CELF2: variants seen among roughly 807,000 people sequenced by gnomAD.
The protein encoded by CELF2 is CUGBP Elav-like family member 2.
Under a neutral mutation model 62.6 loss-of-function variants are expected in CELF2, and 8 were observed. The observed-to-expected ratio is 0.13, with a 90% CI of 0.07 to 0.23. CELF2 has a LOEUF of 0.23. Among genes scored for constraint, CELF2 ranks in the 10% least tolerant of loss-of-function variants. The pLI is 1.00. For missense variants in CELF2, 333 were observed against 671.0 expected (o/e 0.50, Z 5.56); for synonymous variants, 258 against 250.0 (o/e 1.03, Z -0.30).
At chr10:10,667,142 G>A in the CELF2 span, among the ~76,000 whole-genome samples, 1 of 152,176 alleles carries the variant, frequency 6.6e-6, no homozygotes, top group African/African-American at 2.4e-5. Context: ...AGGGCTGAAA[G>A]GCACCATGCT....
chr10:10,586,466 TGA>T, the CELF2 span, among the ~76,000 whole-genome samples: 1 of 152,172 alleles, frequency 6.6e-6, no homozygotes, highest in Non-Finnish European at 1.5e-5. Context: ...TCCTTAAATC[TGA>T]GACTTACATC....
chr10:10,801,157 A>C (rs754059286), intron 1 of CELF2, among the ~76,000 whole-genome samples: 3 of 152,134 alleles, frequency 2.0e-5, no homozygotes, highest in Non-Finnish European at 4.4e-5. Context: ...AGAGTAAGTG[A>C]AGTTTCAGAA....
At chr10:10,519,333 C>A in the CELF2 span, among the ~76,000 whole-genome samples, 1 of 151,950 alleles carries the variant, frequency 6.6e-6, no homozygotes. Context: ...ATGAATATAG[C>A]CTAATATTAG....
At chr10:10,507,630 G>A in the CELF2 span, among the ~76,000 whole-genome samples, 1 of 152,190 alleles carries the variant, frequency 6.6e-6, no homozygotes, top group Non-Finnish European at 1.5e-5. Context: ...CCTCAAACAT[G>A]CATGGAAAAA....
chr10:10,980,661 T>A (rs1210379045), intron 2 of CELF2, among the ~76,000 whole-genome samples: 1 of 152,262 alleles, frequency 6.6e-6, no homozygotes, highest in Non-Finnish European at 1.5e-5. Context: ...CATGATCTCC[T>A]AACGGTCTCT....
At chr10:11,133,934 C>A (rs943300333) in intron 1 of CELF2, among the ~76,000 whole-genome samples, 2 of 152,216 alleles carry the variant, frequency 1.3e-5, no homozygotes, top group African/African-American at 4.8e-5. Context: ...ACACTTGACA[C>A]TTAGCCAGCA....
At chr10:10,697,495 C>T in the CELF2 span, among the ~76,000 whole-genome samples, 1 of 152,172 alleles carries the variant, frequency 6.6e-6, no homozygotes. Flanking sequence ...GCTGCTCTAA[C>T]AAAATACGCT....
intron 2 of CELF2, among the ~76,000 whole-genome samples, chr10:11,204,506 G>A (rs572313435): frequency 1.3e-5 from 2 of 152,372 alleles, no homozygotes; most frequent in South Asian, 4.1e-4. Flanking sequence ...TGAGTATACA[G>A]TAGGAACCTC....
At chr10:10,519,281 C>T in the CELF2 span, among the ~76,000 whole-genome samples, 3 of 152,236 alleles carry the variant, frequency 2.0e-5, no homozygotes, top group African/African-American at 4.8e-5. Context: ...AGTTCCATTA[C>T]AATAGCAACC....
chr10:11,087,923 T>C (rs949364997), intron 1 of CELF2, among the ~76,000 whole-genome samples: 3 of 152,202 alleles, frequency 2.0e-5, no homozygotes, highest in Admixed American at 1.3e-4. Flanking sequence ...TTCTTAAATG[T>C]TGGAGTAGAA....
chr10:10,780,196 CT>C, the CELF2 span, among the ~76,000 whole-genome samples: 4 of 152,182 alleles, frequency 2.6e-5, no homozygotes, highest in South Asian at 8.3e-4. Context: ...TATTCAAATT[CT>C]CTGGTTGTTT....
Position 11,321,265 on chromosome 10 carries a change from C to G in CELF2, c.1173C>G (p.Gly391=), listed in dbSNP as rs1222212767. 1 of 1,614,008 alleles carries G rather than the reference C, an allele frequency of 6.2e-7. No individual in the cohort carries two copies. Among genetic ancestry groups the G allele is most frequent in the South Asian group, 1.1e-5 (1 of 91,080 alleles). ...GATGLTNGTA[G]TMDALTQAYS... ...CAGGCTTGACGAATGGCACGGCTGG[C>G]ACCATGGACGCCCTCACCCAGGCCT... The change falls in exon 11 of 13, where the codon GGC becomes GGG. Residue 391 remains glycine, a synonymous_variant. Transcript: ENST00000633077. The surrounding 1 kb of genome is among the most constrained non-coding windows in gnomAD (Gnocchi z 6.2).
intron 3 of CELF2, among the ~76,000 whole-genome samples, chr10:11,230,514 C>T (rs1210039050): frequency 1.3e-5 from 2 of 152,190 alleles, no homozygotes; most frequent in Non-Finnish European, 2.9e-5. Flanking sequence ...CAAGAGAGAT[C>T]CTCTGGAGAG....
At chr10:10,902,914 G>A (rs1268092539) in intron 1 of CELF2, among the ~76,000 whole-genome samples, 1 of 132,628 alleles carries the variant, frequency 7.5e-6, no homozygotes, top group African/African-American at 2.8e-5. Context: ...GGAGGGAGAA[G>A]AGGGAGGGAG....
At chr10:10,917,781 A>G (rs1448629905) in intron 1 of CELF2, 2 of 152,226 alleles carry the variant, frequency 1.3e-5, no homozygotes, top group Non-Finnish European at 2.9e-5. Flanking sequence ...GGATGCCATT[A>G]AACATTCTAC....
chr10:10,924,237 G>A (rs1488949367), intron 2 of CELF2, among the ~76,000 whole-genome samples: 16 of 125,474 alleles, frequency 1.3e-4, no homozygotes, highest in East Asian at 5.1e-4. Context: ...AGCCGAGATC[G>A]CGCCACTGCA....
chr10:11,216,949 C>A (rs1450459561), intron 2 of CELF2, among the ~76,000 whole-genome samples: 1 of 152,266 alleles, frequency 6.6e-6, no homozygotes, highest in Non-Finnish European at 1.5e-5. Flanking sequence ...GAAGAATGCA[C>A]TATCCCAGCT....
chr10:10,874,557 TGA>T (rs1302315613), intron 1 of CELF2, among the ~76,000 whole-genome samples: 1 of 152,054 alleles, frequency 6.6e-6, no homozygotes, highest in Non-Finnish European at 1.5e-5. Context: ...TTTTCAAAGT[TGA>T]GAGAAGAAAA....
In CELF2 at chr10:11,018,121, C is replaced by T. The variant is rs775513168; in HGVS notation, c.32C>T (p.Pro11Leu). ...TCTGCCTTCAAGCTGGATTTCCTCC[C>T]GGACATGATGGTCGAGGGCCGCCTG... MTSAFKLDFL[P>L]DMMVEGRLLV... is the part of the protein sequence containing the mutation. Residue 11 changes from proline (P) to leucine (L), a missense_variant, in exon 1 of 13, where the codon CCG (proline) becomes CTG (leucine). This residue lies in a region of CELF2 where 45 missense variants were observed against 39.8 expected (regional missense o/e 1.13). Transcript: ENST00000633077. 6.6e-6 allele frequency: 10 copies of T among 1,517,198 alleles called. No homozygotes were observed. The Admixed American group carries it at 8.1e-5, about 12-fold the overall frequency. The allele number at this position is 1,517,198 out of a possible 1,614,324, so 94.0% of individuals were successfully genotyped here.
Sources: gnomAD v4.1 joint callset for allele counts (sites outside exome capture counted in the v4.1 genomes callset) on GRCh38, gnomAD v4.1.1 for gene constraint, gnomAD v4.1.1 regional missense constraint, Gnocchi (gnomAD v3.1) non-coding constraint, MANE v1.5 for transcripts, NCBI Gene and HGNC (gene_info 2026-07-23, HGNC 2026-07-21) for gene names.